Variants in DST observed in about 807,000 individuals in gnomAD.
DST encodes the protein dystonin, also known as bullous pemphigoid antigen.
DST carries 253 observed loss-of-function variants against 875.2 expected under a neutral mutation model. The ratio of observed to expected loss-of-function variants is 0.29; its 90% confidence interval spans 0.26 to 0.32. The LOEUF is 0.32. Ranked by LOEUF, DST falls within the 10% of genes least tolerant of loss-of-function variation. DST has a pLI of 1.00. For synonymous variants in DST, 3,124 were observed against 3,197.1 expected (o/e 0.98, Z 0.77); for missense variants, 8,287 against 9,111.6 (o/e 0.91, Z 3.68).
intron 49 of DST, among the ~76,000 whole-genome samples, chr6:56,587,195 C>T (rs1201383273): frequency 1.3e-5 from 2 of 151,944 alleles, no homozygotes; most frequent in Non-Finnish European, 2.9e-5. Flanking sequence ...ACTAGAATAA[C>T]CAATACAGAG....
At chr6:56,483,636 C>T (rs1212390362) in intron 88 of DST, 1 of 144,674 alleles carries the variant, frequency 6.9e-6, no homozygotes, top group African/African-American at 2.6e-5. Flanking sequence ...AGAAGTGAGC[C>T]CAGAGCTCTT....
At chr6:56,485,196 TTATGTAG>T (rs1319984156) in intron 88 of DST, 109 bp downstream of exon 88, 1 of 1,159,060 alleles carries the variant, frequency 8.6e-7, no homozygotes, top group Non-Finnish European at 1.3e-6. Flanking sequence ...ATAAAGACTG[TTATGTAG>T]TATGATCTAT....
chr6:56,590,972 AC>A (rs2098262674), intron 49 of DST, among the ~76,000 whole-genome samples: 1 of 152,350 alleles, frequency 6.6e-6, no homozygotes, highest in East Asian at 1.9e-4. Flanking sequence ...TGCTAACAGC[AC>A]AATTTTTCGA....
In DST at chr6:56,515,578, C is replaced by T. The variant is rs2152486037; in HGVS notation, c.18448G>A (p.Val6150Ile). Reference sequence around the variant, plus strand: ...TCATATGTTTCCCAGAATTGGTTAACCAGGGACTGTGCCCGTTCCAGCTGC... The same window carrying T: ...TCATATGTTTCCCAGAATTGGTTAATCAGGGACTGTGCCCGTTCCAGCTGC... ...YLQLERAQSL[V>I]NQFWETYEEL... Residue 6150 changes from valine to isoleucine, a missense_variant, in exon 72 of 104, where the codon GTT (valine) becomes ATT (isoleucine). Val to Ile is a conservative substitution (Grantham distance 29). Coordinates refer to ENST00000680361, the MANE Select transcript of DST (RefSeq NM_001374736.1). 1.2e-6 allele frequency: 2 copies of T among 1,613,852 alleles called. No individual in the cohort carries two copies. Among genetic ancestry groups the T allele is most frequent in the Non-Finnish European group, 1.7e-6 (2 of 1,179,834 alleles).
Position 56,605,839 on chromosome 6 carries a change from G to A in DST, c.8789C>T (p.Ser2930Phe), listed in dbSNP as rs1183049185. 2 of 1,612,178 alleles carry A rather than the reference G, an allele frequency of 1.2e-6. No homozygotes were observed. Among genetic ancestry groups the A allele is most frequent in the Admixed American group, 1.7e-5 (1 of 59,748 alleles). Residue 2930 changes from serine (S) to phenylalanine (F), a missense_variant, in exon 40 of 104, where the codon TCT (serine) becomes TTT (phenylalanine). Coordinates refer to ENST00000680361, the MANE Select transcript of DST (RefSeq NM_001374736.1). ...VLPPIIKDTE[S>F]EKTFGPASIS... ...ACTTGCAGGGCCAAAAGTTTTTTCA[G>A]ATTCAGTGTCTTTAATGATAGGCGG...
chr6:56,867,782 G>A (rs947362757), intron 3 of DST, among the ~76,000 whole-genome samples: 14 of 151,756 alleles, frequency 9.2e-5, no homozygotes, highest in African/African-American at 2.4e-4. Flanking sequence ...GCAGTGAGCC[G>A]AGACCGCGCC....
Position 56,629,199 on chromosome 6 carries a change from CATAG to C in DST, c.4475+47_4475+50del, listed in dbSNP as rs757809802. On this transcript the variant is annotated intron_variant, in intron 32 of 103. Transcript: ENST00000680361. ...ATATGTGTAGATTTTACTCATTTAC[CATAG>C]ATAGACATTAAATCTGTGCTAAAAC... The C allele has an allele frequency of 7.6e-6, 12 of 1,573,226 alleles. No homozygotes were observed. In the African/African-American group the frequency reaches 1.5e-4, roughly 20 times the overall value.
At position 56,603,546 on chromosome 6, in the gene DST, G is replaced by A. The variant is rs1362085271; in HGVS notation, c.10941+18C>T. On this transcript the variant is annotated intron_variant, in intron 41 of 103. Transcript: ENST00000680361. Reference sequence around the variant, plus strand: ...TCAGCTGACTACCATCCATAAAGAGGCAGTAGACAATTCTTACCTCCAACT... The same window carrying A: ...TCAGCTGACTACCATCCATAAAGAGACAGTAGACAATTCTTACCTCCAACT... The A allele has an allele frequency of 6.2e-7, 1 of 1,600,372 alleles. No individual in the cohort carries two copies. The highest frequency in any genetic ancestry group is 1.3e-5 in the African/African-American group (1 of 74,290).
chr6:56,530,692 AT>A (rs553953020), intron 64 of DST, among the ~76,000 whole-genome samples: 54 of 152,308 alleles, frequency 3.5e-4, no homozygotes, highest in African/African-American at 1.2e-3. Flanking sequence ...TTAATATTTT[AT>A]GGATTAAAAT....
intron 3 of DST, among the ~76,000 whole-genome samples, chr6:56,870,834 T>C (rs1281713847): frequency 6.6e-6 from 1 of 152,074 alleles, no homozygotes; most frequent in Non-Finnish European, 1.5e-5. Context: ...AAACTTCAGG[T>C]ATGTTAATTA....
chr6:56,698,985 G>C (rs1191472048), intron 9 of DST, among the ~76,000 whole-genome samples: 1 of 152,140 alleles, frequency 6.6e-6, no homozygotes, highest in Non-Finnish European at 1.5e-5. Flanking sequence ...TCTAGTAGCA[G>C]AACATTTCTT....
chr6:56,633,221 C>T (rs1039237626), intron 27 of DST, among the ~76,000 whole-genome samples, 184 bp from the exon 28 acceptor site: 3 of 146,054 alleles, frequency 2.1e-5, no homozygotes, highest in African/African-American at 8.3e-5. Flanking sequence ...TGTTTTGAGA[C>T]GGAGTTTCAC....
chr6:56,535,305 A>G lies in DST; in HGVS notation c.16771-13T>C. 6.4e-7 allele frequency: 1 copy of G among 1,558,200 alleles called. No homozygotes were observed. Among genetic ancestry groups the G allele is most frequent in the Non-Finnish European group, 8.6e-7 (1 of 1,162,906 alleles). On this transcript the variant is annotated splice_polypyrimidine_tract_variant and intron_variant, in intron 62 of 103. Coordinates refer to ENST00000680361, the MANE Select transcript of DST (RefSeq NM_001374736.1). Reference sequence around the variant, plus strand: ...CTCGCTGAGCCACCTGCAAAGTGCCAATTGTTTCCACTTATTTATTTGTTT... The same window carrying G: ...CTCGCTGAGCCACCTGCAAAGTGCCGATTGTTTCCACTTATTTATTTGTTT...
intron 4 of DST, among the ~76,000 whole-genome samples, chr6:56,763,743 G>GT (rs1319904875): frequency 6.7e-6 from 1 of 148,762 alleles, no homozygotes; most frequent in Non-Finnish European, 1.5e-5. Context: ...ATGGGTGGGG[G>GT]TGGGGGGGAG....
chr6:56,933,795 T>C (rs539204624), intron 2 of DST, among the ~76,000 whole-genome samples: 134 of 152,140 alleles, frequency 8.8e-4, no homozygotes, highest in African/African-American at 3.2e-3. Flanking sequence ...GGTGTACTTA[T>C]CCTGTAAGCA....
intron 4 of DST, among the ~76,000 whole-genome samples, chr6:56,845,582 A>G (rs1209924521): frequency 6.6e-6 from 1 of 152,274 alleles, no homozygotes. Context: ...ACATTAGTTC[A>G]TAAAGTAACA....
intron 36 of DST, chr6:56,619,585 T>C (rs2098666808): frequency 2.5e-6 from 4 of 1,614,032 alleles, no homozygotes; most frequent in Non-Finnish European, 3.4e-6. Context: ...CTTCTCTTTG[T>C]AGTTTCCCTT....
Position 56,927,101 on chromosome 6 carries a change from TCA to T in DST, c.217-26482_217-26481del, listed in dbSNP as rs1439285139. The stretch of plus-strand genomic sequence containing the variant: ...GGGCACCAGAGACATGCTGCCTGTT[TCA>T]CAGTTTGATCTAAACTAATGCTGGT... On this transcript the variant is annotated intron_variant, in intron 2 of 103. Transcript: ENST00000680361. Among the ~76,000 whole-genome samples the T allele has an allele frequency of 2.0e-5, 3 of 152,228 alleles. No individual in the cohort carries two copies. The East Asian group carries it at 5.8e-4, about 29-fold the overall frequency.
chr6:56,520,647 G>A (rs904871808), intron 69 of DST, among the ~76,000 whole-genome samples: 8 of 151,968 alleles, frequency 5.3e-5, no homozygotes, highest in South Asian at 4.2e-4. Flanking sequence ...CATTGTATAC[G>A]TGTATCAAAA....
Sources: allele counts gnomAD v4.1 joint callset (sites outside exome capture counted in the v4.1 genomes callset), GRCh38; gene constraint gnomAD v4.1.1; transcripts MANE v1.5; gene names NCBI Gene and HGNC (gene_info 2026-07-23, HGNC 2026-07-21).